Variants in FOXRED2 observed in about 807,000 individuals in gnomAD.
The protein encoded by FOXRED2 is FAD dependent oxidoreductase domain containing 2.
Under a neutral mutation model 52.5 loss-of-function variants are expected in FOXRED2, and 32 were observed. The ratio of observed to expected loss-of-function variants is 0.61; its 90% CI spans 0.46 to 0.82. The LOEUF is 0.82. Among genes scored for constraint, FOXRED2 ranks in the 40% least tolerant of loss-of-function variants. The pLI is 0.00. For missense variants in FOXRED2, 848 were observed against 937.5 expected, an observed-to-expected ratio of 0.90 and a Z score of 1.25; for synonymous variants, 405 against 398.1, an observed-to-expected ratio of 1.02 and a Z score of -0.21.
chr22:36,498,326 C>T (rs1933959221), intron 5 of FOXRED2, 170 bp from the exon 6 acceptor site: 2 of 672,534 alleles, frequency 3.0e-6, no homozygotes, highest in Middle Eastern at 4.1e-4. Flanking sequence ...ATGGCAGCTG[C>T]CTTTAGAGCA....
chr22:36,493,785 C>T lies in FOXRED2; in HGVS notation c.1643G>A (p.Arg548His), dbSNP rs201122263. The T allele has an allele frequency of 2.4e-5, 38 of 1,614,144 alleles. No homozygotes were observed. Among genetic ancestry groups the T allele is most frequent in the African/African-American group, 5.3e-5 (4 of 75,066 alleles). ...CCGAGGCAGGGGCCAGTGTGCAGGG[C>T]GGAACCTCACCTCCTGTTCTGTGGG... ...YLPTEQEVRF[R>H]PAHWPLPRPT... The change falls in exon 8 of 9, where the codon CGC becomes CAC. Residue 548 changes from arginine (R) to histidine (H), a missense_variant. Arg to His is a conservative substitution (Grantham distance 29). Coordinates refer to ENST00000397224, the MANE Select transcript of FOXRED2 (RefSeq NM_001102371.2).
rs1465243214 is a variant in FOXRED2 at position 36,501,320 on chromosome 22, C to T, written c.1137G>A (p.Leu379=). 1 of 1,614,166 alleles carries T rather than the reference C, an allele frequency of 6.2e-7. No individual in the cohort carries two copies. The highest frequency in any genetic ancestry group is 1.1e-5 in the South Asian group (1 of 91,080). Residue 379 remains leucine (L), a synonymous_variant, in exon 5 of 9, where the codon CTG becomes CTA. Transcript: ENST00000397224. ...ASYESKGSRG[L]FILGTASHSV... The stretch of plus-strand genomic sequence containing the variant: ...AGTGGCTGGCAGTACCCAGGATAAA[C>T]AGACCCCGGCTTCCTTTGGATTCGT...
At position 36,506,352 on chromosome 22, in the gene FOXRED2, G is replaced by A. The variant is rs1244283682; in HGVS notation, c.71C>T (p.Ala24Val). 3.4e-6 allele frequency: 5 copies of A among 1,478,270 alleles called. No homozygotes were observed. The highest frequency in any genetic ancestry group is 4.5e-6 in the Non-Finnish European group (5 of 1,117,660). The allele number at this position is 1,478,270 out of a possible 1,614,324, so 91.6% of individuals were successfully genotyped here. ...GTCCCGGCGCGGGGGCACCGACAGCGCTGGGTGCAGGGCGATGGCCAGGAG... is the reference window on the plus strand; with the variant it reads ...GTCCCGGCGCGGGGGCACCGACAGCACTGGGTGCAGGGCGATGGCCAGGAG... ...GLLLAIALHP[A>V]LSVPPRRDYC... Residue 24 changes from alanine (A) to valine (V), a missense_variant, in exon 2 of 9, where the codon GCG becomes GTG. Physicochemically the swap from Ala to Val is moderately conservative, Grantham distance 64. Coordinates refer to ENST00000397224, the MANE Select transcript of FOXRED2 (RefSeq NM_001102371.2).
intron 5 of FOXRED2, among the ~76,000 whole-genome samples, chr22:36,500,891 AATTTT>A (rs748661853): frequency 6.7e-6 from 1 of 150,112 alleles, no homozygotes; most frequent in Non-Finnish European, 1.5e-5. Flanking sequence ...GCCTACACTT[AATTTT>A]ATTTTATTTT....
At chr22:36,496,324 C>A (rs1453876687) in intron 6 of FOXRED2, 116 bp from the exon 7 acceptor site, 1 of 1,246,360 alleles carries the variant, frequency 8.0e-7, no homozygotes, top group South Asian at 1.4e-5. Context: ...GAGCGTCAAT[C>A]AAGCAGCACA....
rs1199719777 is a variant in FOXRED2 at position 36,504,559 on chromosome 22, G to A, written c.735C>T (p.Ser245=). 3.1e-6 allele frequency: 5 copies of A among 1,614,150 alleles called. No homozygotes were observed. In the South Asian group the frequency reaches 4.4e-5, roughly 14 times the overall value. Residue 245 remains serine, a synonymous_variant, in exon 3 of 9, where the codon TCC becomes TCT. Coordinates refer to ENST00000397224, the MANE Select transcript of FOXRED2 (RefSeq NM_001102371.2). ...VTNFIHMLSR[S]RVRLSWATHY... is the part of the protein sequence containing the mutation. ...GGGTGGCCCAGGACAGACGGACCCG[G>A]GAGCGGCTGAGCATATGGATAAAGT...
rs2145837198 is a variant in FOXRED2 at position 36,489,953 on chromosome 22, C to A, written c.*55G>T. 3 of 1,496,466 alleles carry A rather than the reference C, an allele frequency of 2.0e-6. No individual in the cohort carries two copies. The highest frequency in any genetic ancestry group is 1.4e-5 in the South Asian group (1 of 74,048). The allele number at this position is 1,496,466 out of a possible 1,614,324, so 92.7% of individuals were successfully genotyped here. Reference sequence around the variant, plus strand: ...AGGTTGCGGGGAAAGAGGGACTGACCATGGGCCTAGGTGGGGAGGCCTGGC... The same window carrying A: ...AGGTTGCGGGGAAAGAGGGACTGACAATGGGCCTAGGTGGGGAGGCCTGGC... On this transcript the variant is annotated 3_prime_UTR_variant, in exon 9 of 9. Coordinates refer to ENST00000397224, the MANE Select transcript of FOXRED2 (RefSeq NM_001102371.2).
At position 36,501,425 on chromosome 22, in the gene FOXRED2, T is replaced by C; in HGVS notation, c.1050-18A>G. 1 of 1,612,834 alleles carries C rather than the reference T, an allele frequency of 6.2e-7. No homozygotes were observed. Among genetic ancestry groups the C allele is most frequent in the Non-Finnish European group, 8.5e-7 (1 of 1,178,996 alleles). On this transcript the variant is annotated intron_variant, in intron 4 of 8. Coordinates refer to ENST00000397224, the MANE Select transcript of FOXRED2 (RefSeq NM_001102371.2). ...TGAGGGACCTGTCAGTGGAAAGGGC[T>C]GTTCATGAAAATAGCTGCTATGTAA...
In FOXRED2 at chr22:36,501,395, A is replaced by G; in HGVS notation, c.1062T>C (p.Leu354=). 9 of 1,614,066 alleles carry G rather than the reference A, an allele frequency of 5.6e-6. No individual in the cohort carries two copies. The highest frequency in any genetic ancestry group is 7.6e-6 in the Non-Finnish European group (9 of 1,179,992). Residue 354 remains leucine, a synonymous_variant, in exon 5 of 9, where the codon CTT becomes CTC. Coordinates refer to ENST00000397224, the MANE Select transcript of FOXRED2 (RefSeq NM_001102371.2). ...TCTTGCCGAATGCATTTCCCGAGTT[A>G]AGTCTGAGGGACCTGTCAGTGGAAA... ...DFSIFNKSLR[L]NSGNAFGKKY...
chr22:36,490,060 A>C lies in FOXRED2; in HGVS notation c.2003T>G (p.Leu668Arg). 1.2e-6 allele frequency: 2 copies of C among 1,611,848 alleles called. No individual in the cohort carries two copies. The highest frequency in any genetic ancestry group is 1.7e-6 in the Non-Finnish European group (2 of 1,178,392). Reference sequence around the variant, plus strand: ...GGACTGAGCCAGAGGCCCTGGAGCCAGGGGGGAACCTAGTGGCTCTTGGTC... The same window carrying C: ...GGACTGAGCCAGAGGCCCTGGAGCCCGGGGGGAACCTAGTGGCTCTTGGTC... ...LGDQEPLGSP[L>R]APGPLAQSVD... Residue 668 changes from leucine to arginine, a missense_variant, in exon 9 of 9, where the codon CTG becomes CGG. By Grantham distance (102) the Leu-to-Arg change is moderately radical. Transcript: ENST00000397224.
intron 4 of FOXRED2, among the ~76,000 whole-genome samples, chr22:36,502,130 T>C (rs1603495865): frequency 2.0e-5 from 3 of 151,996 alleles, no homozygotes; most frequent in East Asian, 1.9e-4. Context: ...GATTATGCCA[T>C]TGCACTCCAG....
At position 36,506,219 on chromosome 22, in the gene FOXRED2, G is replaced by A. The variant is rs976625183; in HGVS notation, c.204C>T (p.Phe68=). ...VFERAPRPGS[F]FTRYPRHRKL... ...TGCGGTGCCGCGGGTAGCGTGTGAA[G>A]AAGCTGCCGGGCCGCGGGGCCCGCT... The change falls in exon 2 of 9, where the codon TTC becomes TTT. Residue 68 remains phenylalanine, a synonymous_variant. Coordinates refer to ENST00000397224, the MANE Select transcript of FOXRED2 (RefSeq NM_001102371.2). The A allele has an allele frequency of 9.3e-6, 15 of 1,614,038 alleles. No homozygotes were observed. The highest frequency in any genetic ancestry group is 1.3e-5 in the Non-Finnish European group (15 of 1,179,966).
intron 7 of FOXRED2, 92 bp downstream of exon 7, chr22:36,495,875 C>T (rs1933881907): frequency 7.1e-7 from 1 of 1,412,792 alleles, no homozygotes; most frequent in Admixed American, 1.8e-5. Context: ...GTCAGCTGAG[C>T]ATGTGTGTGA....
chr22:36,490,285 G>A lies in FOXRED2; in HGVS notation c.1796-18C>T, dbSNP rs141314668. On this transcript the variant is annotated intron_variant, in intron 8 of 8. Transcript: ENST00000397224. The stretch of plus-strand genomic sequence containing the variant: ...GCAGGACTCTACACAAAAGCAAAAT[G>A]AGGAGAATGAGCCAGGCTGGGACAT... The A allele has an allele frequency of 1.1e-4, 173 of 1,572,014 alleles. No homozygotes were observed. Among genetic ancestry groups the A allele is most frequent in the Admixed American group, 1.7e-4 (10 of 57,238 alleles).
At position 36,506,121 on chromosome 22, in the gene FOXRED2, G is replaced by T. The variant is rs763355581; in HGVS notation, c.302C>A (p.Ser101Tyr). Residue 101 changes from serine to tyrosine, a missense_variant, in exon 2 of 9, where the codon TCT (serine) becomes TAT (tyrosine). By Grantham distance (144) the Ser-to-Tyr change is moderately radical. Coordinates refer to ENST00000397224, the MANE Select transcript of FOXRED2 (RefSeq NM_001102371.2). Reference sequence around the variant, plus strand: ...CAGCCGGGGGTCGTGGCTGAGCAGAGAGTTCCAGTCGTGGCGGAGGTTGAA... The same window carrying T: ...CAGCCGGGGGTCGTGGCTGAGCAGATAGTTCCAGTCGTGGCGGAGGTTGAA... ...AEFNLRHDWN[S>Y]LLSHDPRLLF... 1 of 1,614,226 alleles carries T rather than the reference G, an allele frequency of 6.2e-7. No individual in the cohort carries two copies. Among genetic ancestry groups the T allele is most frequent in the Admixed American group, 1.7e-5 (1 of 60,028 alleles).
rs1333886034 is a variant in FOXRED2, at chr22:36,487,550, AG to A, written c.*2457del. On this transcript the variant is annotated 3_prime_UTR_variant, in exon 9 of 9. Coordinates refer to ENST00000397224, the MANE Select transcript of FOXRED2 (RefSeq NM_001102371.2). ...AGACATAAAGAATGAGGAAATTAAA[AG>A]TTAAAATGAAGAACAAAGAACAGGT... The A allele has an allele frequency of 6.6e-6, 1 of 152,248 alleles. No individual in the cohort carries two copies. The highest frequency in any genetic ancestry group is 1.5e-5 in the Non-Finnish European group (1 of 68,056). The allele number at this position is 152,248 out of a possible 1,614,324, so 9.4% of individuals were successfully genotyped here. A position where few individuals can be genotyped will look rare whatever the true frequency, so the allele number is the denominator to read the frequency against.
rs1455665485 is a variant in FOXRED2 at position 36,506,384 on chromosome 22, C to T, written c.39G>A (p.Pro13=). ...LSAAAPLWGP[P]GLLLAIALHP... ...GCAGGGCGATGGCCAGGAGCAGCCC[C>T]GGGGGACCCCACAACGGGGCCGCAG... The change falls in exon 2 of 9, where the codon CCG becomes CCA. Residue 13 remains proline, a synonymous_variant. Transcript: ENST00000397224. 1 of 1,441,476 alleles carries T rather than the reference C, an allele frequency of 6.9e-7. No individual in the cohort carries two copies. The highest frequency in any genetic ancestry group is 9.1e-7 in the Non-Finnish European group (1 of 1,102,732). The allele number at this position is 1,441,476 out of a possible 1,614,324, so 89.3% of individuals were successfully genotyped here. A position where few individuals can be genotyped will look rare whatever the true frequency, so the allele number is the denominator to read the frequency against.
intron 5 of FOXRED2, among the ~76,000 whole-genome samples, chr22:36,499,230 G>C (rs1603495114): frequency 2.0e-5 from 3 of 152,196 alleles, no homozygotes; most frequent in East Asian, 3.9e-4. Context: ...CTGCCTTACT[G>C]TCTTTAAAAA....
At chr22:36,491,876 A>AC (rs1352345993) in intron 8 of FOXRED2, among the ~76,000 whole-genome samples, 4 of 152,198 alleles carry the variant, frequency 2.6e-5, no homozygotes, top group African/African-American at 7.2e-5. Context: ...AGAAGAGCTG[A>AC]CACAGATATG....
Sources: gnomAD v4.1 joint callset for allele counts (sites outside exome capture counted in the v4.1 genomes callset) on GRCh38, gnomAD v4.1.1 for gene constraint, MANE v1.5 for transcripts, NCBI Gene and HGNC (gene_info 2026-07-23, HGNC 2026-07-21) for gene names.